Variants in RYR3 observed in about 807,000 individuals in gnomAD.
RYR3 encodes the protein ryanodine receptor 3.
A neutral mutation model predicts 584.3 loss-of-function variants in RYR3; 207 were observed. The ratio of observed to expected loss-of-function variants is 0.35; its 90% CI spans 0.32 to 0.40. The LOEUF is 0.40. Among genes scored for constraint, RYR3 ranks in the 10% least tolerant of loss-of-function variants. The probability of loss-of-function intolerance (pLI) is 1.00; values close to 1 mark genes in which losing one functional copy is unlikely to be tolerated. For synonymous variants in RYR3, 2,416 were observed against 2,248.5 expected, an observed-to-expected ratio of 1.07 and a Z score of -2.11; for missense variants, 5,616 against 6,089.2, an observed-to-expected ratio of 0.92 and a Z score of 2.59.
chr15:33,699,621 C>T, intron 40 of RYR3, 83 bp from the exon 41 acceptor site: 1 of 1,284,182 alleles, frequency 7.8e-7, no homozygotes, highest in Non-Finnish European at 1.1e-6. Flanking sequence ...CACACTTTAC[C>T]CACTTAAGAC....
intron 13 of RYR3, 56 bp from the exon 14 acceptor site, chr15:33,581,452 G>C (rs1374229479): frequency 6.4e-7 from 1 of 1,554,470 alleles, no homozygotes; most frequent in Admixed American, 1.7e-5. Flanking sequence ...AAGAGCATAA[G>C]GGACTGTGCT....
chr15:33,791,418 C>T (rs56407262), intron 67 of RYR3, among the ~76,000 whole-genome samples: 1,963 of 152,024 alleles, frequency 0.013, 23 homozygotes, highest in Non-Finnish European at 0.021. Context: ...AGAGAGAGGT[C>T]TTTTGGGGTC....
rs527789059 is a variant in RYR3 at position 33,726,497 on chromosome 15, C to A, written c.7024C>A (p.Leu2342Ile). 1.3e-6 allele frequency: 2 copies of A among 1,595,748 alleles called. No individual in the cohort carries two copies. Among genetic ancestry groups the A allele is most frequent in the East Asian group, 2.3e-5 (1 of 44,042 alleles). Reference protein sequence around the residue: ...IISIPLKLPSLNKDGSVSEPD... With the variant: ...IISIPLKLPSINKDGSVSEPD... ...CAGCATCCCCTTGAAACTGCCCTCC[C>A]TCAACAAAGGTAAGGGGAGTGACTG... The change falls in exon 46 of 104, where the codon CTC (leucine) becomes ATC (isoleucine). Residue 2342 changes from leucine (L) to isoleucine (I), a missense_variant. By Grantham distance (5) the Leu-to-Ile change is conservative (BLOSUM62 2). Transcript: ENST00000634891.
chr15:33,326,132 G>A (rs1208844088), intron 1 of RYR3, among the ~76,000 whole-genome samples: 3 of 152,048 alleles, frequency 2.0e-5, no homozygotes, highest in African/African-American at 4.8e-5. Flanking sequence ...GTCTGTTGAG[G>A]TTCTTTGTTT....
At chr15:33,804,388 A>G (rs775623825) in intron 69 of RYR3, among the ~76,000 whole-genome samples, 5 of 152,226 alleles carry the variant, frequency 3.3e-5, no homozygotes, top group African/African-American at 7.2e-5. Flanking sequence ...TAAATAGACC[A>G]GAAGGCGAAA....
At chr15:33,544,558 ATT>A (rs1430867769) in intron 8 of RYR3, among the ~76,000 whole-genome samples, 1 of 152,152 alleles carries the variant, frequency 6.6e-6, no homozygotes, top group African/African-American at 2.4e-5. Flanking sequence ...ACACTGGCTG[ATT>A]TCAGATGCAA....
At chr15:33,368,869 C>T (rs543597968) in intron 1 of RYR3, among the ~76,000 whole-genome samples, 7 of 152,026 alleles carry the variant, frequency 4.6e-5, no homozygotes, top group African/African-American at 7.3e-5. Flanking sequence ...GGTTTCAATC[C>T]GAAACATGAC....
intron 67 of RYR3, among the ~76,000 whole-genome samples, chr15:33,792,490 C>A (rs1332438022): frequency 6.6e-6 from 1 of 152,186 alleles, no homozygotes; most frequent in Non-Finnish European, 1.5e-5. Flanking sequence ...TGGCCATATG[C>A]TGTGCTGGAC....
chr15:33,778,716 G>T (rs1432606779), intron 64 of RYR3, among the ~76,000 whole-genome samples: 1 of 152,224 alleles, frequency 6.6e-6, no homozygotes, highest in Non-Finnish European at 1.5e-5. Flanking sequence ...GGCACAATAG[G>T]ACTGGTTTGT....
chr15:33,503,385 C>G (rs2052175508), intron 2 of RYR3, among the ~76,000 whole-genome samples: 2 of 152,182 alleles, frequency 1.3e-5, no homozygotes, highest in Admixed American at 1.3e-4. Context: ...TATGAACCAC[C>G]AGCCTTCCCT....
At chr15:33,324,781 C>G (rs569710553) in intron 1 of RYR3, among the ~76,000 whole-genome samples, 2 of 152,326 alleles carry the variant, frequency 1.3e-5, no homozygotes, top group African/African-American at 4.8e-5. Context: ...CTAAGTTCCC[C>G]TCTCTGTGCA....
chr15:33,810,658 C>T lies in RYR3; in HGVS notation c.10197+9C>T. ...AATCGCGATACAGCCATGTAAGCTG[C>T]CCGTCTGCCTGGGCTGAGTGTGTGA... On this transcript the variant is annotated intron_variant, in intron 71 of 103. Transcript: ENST00000634891. The T allele has an allele frequency of 6.2e-7, 1 of 1,613,930 alleles. No homozygotes were observed. The highest frequency in any genetic ancestry group is 1.3e-5 in the African/African-American group (1 of 75,058).
At chr15:33,549,236 A>G (rs2056487317) in intron 9 of RYR3, among the ~76,000 whole-genome samples, 1 of 152,152 alleles carries the variant, frequency 6.6e-6, no homozygotes, top group African/African-American at 2.4e-5. Context: ...GTTCTTGCTT[A>G]ATGGACTTTT....
chr15:33,449,904 A>C (rs1166010365), intron 1 of RYR3, among the ~76,000 whole-genome samples: 1 of 152,100 alleles, frequency 6.6e-6, no homozygotes, highest in African/African-American at 2.4e-5. Context: ...GGACAAAGGC[A>C]GCCGAGGAAG....
At chr15:33,622,329 C>A (rs528555365) in intron 19 of RYR3, among the ~76,000 whole-genome samples, 1 of 152,304 alleles carries the variant, frequency 6.6e-6, no homozygotes, top group South Asian at 2.1e-4. Flanking sequence ...CACCTCAGAG[C>A]CTTTGCGCTT....
At chr15:33,528,102 C>T (rs1416995542) in intron 3 of RYR3, among the ~76,000 whole-genome samples, 1 of 152,098 alleles carries the variant, frequency 6.6e-6, no homozygotes, top group Non-Finnish European at 1.5e-5. Flanking sequence ...GTGGCTTGAC[C>T]GTCCCATTTC....
chr15:33,517,689 C>T (rs2053635083), intron 3 of RYR3, among the ~76,000 whole-genome samples: 1 of 152,074 alleles, frequency 6.6e-6, no homozygotes, highest in Non-Finnish European at 1.5e-5. Context: ...ATTTTTCTAC[C>T]CCAGGACATG....
At chr15:33,615,544 T>C (rs2060406537) in intron 19 of RYR3, among the ~76,000 whole-genome samples, 1 of 152,238 alleles carries the variant, frequency 6.6e-6, no homozygotes, top group Non-Finnish European at 1.5e-5. Context: ...TGAAGTTATA[T>C]ATTGGCATTG....
At chr15:33,482,323 C>T (rs1482858178) in intron 2 of RYR3, among the ~76,000 whole-genome samples, 1 of 152,110 alleles carries the variant, frequency 6.6e-6, no homozygotes, top group African/African-American at 2.4e-5. Context: ...TTTTTATCAT[C>T]ATTCTTCTAT....
Sources: gnomAD v4.1 joint callset for allele counts (sites outside exome capture counted in the v4.1 genomes callset) on GRCh38, gnomAD v4.1.1 for gene constraint, MANE v1.5 for transcripts, NCBI Gene and HGNC (gene_info 2026-07-23, HGNC 2026-07-21) for gene names.